PLEKHH1: variants seen among roughly 807,000 people sequenced by gnomAD.
The protein encoded by PLEKHH1 is pleckstrin homology, MyTH4 and FERM domain containing H1, also known as pleckstrin homology domain-containing family H member 1.
Under a neutral mutation model 160.0 loss-of-function variants are expected in PLEKHH1, and 104 were observed. The ratio of observed to expected loss-of-function variants is 0.65; its 90% CI spans 0.55 to 0.76. The LOEUF is 0.76. Among genes scored for constraint, PLEKHH1 ranks in the 30% least tolerant of loss-of-function variants. PLEKHH1 has a pLI of 0.00. For missense variants in PLEKHH1, 1,427 were observed against 1,724.1 expected (o/e 0.83, Z 3.05); for synonymous variants, 619 against 678.4 (o/e 0.91, Z 1.36).
At chr14:67,544,890 T>C (rs2034116028) in intron 2 of PLEKHH1, among the ~76,000 whole-genome samples, 1 of 152,220 alleles carries the variant, frequency 6.6e-6, no homozygotes, top group African/African-American at 2.4e-5. Context: ...GTCCTGTATC[T>C]ATCAAGTAAG....
Position 67,569,928 on chromosome 14 carries a change from C to G in PLEKHH1, c.1350C>G (p.Ser450Arg). ...CCTCTCTTCCCTGCTCAGCTTCAAG[C>G]CCTCCTGCCCTTGTTTCCCCTGGGT... ...PRSNTACCAS[S>R]PPALVSPGSF... Residue 450 changes from serine to arginine, a missense_variant, in exon 9 of 29, where the codon AGC (serine) becomes AGG (arginine). This residue lies in a region of PLEKHH1 where 831 missense variants were observed against 929.2 expected (regional missense o/e 0.89). Transcript: ENST00000329153. 6.2e-7 allele frequency: 1 copy of G among 1,605,006 alleles called. No individual in the cohort carries two copies. The highest frequency in any genetic ancestry group is 8.5e-7 in the Non-Finnish European group (1 of 1,173,814).
intron 2 of PLEKHH1, among the ~76,000 whole-genome samples, chr14:67,553,577 G>A (rs932679061): frequency 6.6e-6 from 1 of 152,160 alleles, no homozygotes; most frequent in Non-Finnish European, 1.5e-5. Context: ...GAATCTGGCT[G>A]GTCCAGTTAG....
rs141568097 is a variant in PLEKHH1, at chr14:67,546,996, A to G, written c.126+5003A>G. Among the ~76,000 whole-genome samples the G allele has an allele frequency of 2.9e-3, 447 of 152,280 alleles. 2 individuals carry two copies. The highest frequency in any genetic ancestry group is 9.9e-3 in the African/African-American group (412 of 41,546). ...GTGACTGGAAAGCCTTAACCACCTT[A>G]TAAACACCATACCTTCTTTCTCTAC... On this transcript the variant is annotated intron_variant, in intron 2 of 28. Transcript: ENST00000329153.
intron 1 of PLEKHH1, among the ~76,000 whole-genome samples, chr14:67,537,165 T>C (rs970044576): frequency 6.9e-6 from 1 of 144,188 alleles, no homozygotes; most frequent in African/African-American, 2.6e-5. Context: ...GGCACCATGG[T>C]GAAACCCTGT....
At chr14:67,577,518 A>G in intron 18 of PLEKHH1, 104 bp downstream of exon 18, 1 of 753,526 alleles carries the variant, frequency 1.3e-6, no homozygotes, top group South Asian at 1.6e-5. Context: ...CTGGAGAGGA[A>G]GGGAAGGAAA....
intron 2 of PLEKHH1, among the ~76,000 whole-genome samples, chr14:67,543,465 G>C (rs1295708556): frequency 6.6e-6 from 1 of 152,252 alleles, no homozygotes; most frequent in African/African-American, 2.4e-5. Flanking sequence ...ACCTTAGACA[G>C]TGATTCTCAA....
rs1325212320 is a variant in PLEKHH1 at position 67,589,359 on chromosome 14, GA to G, written c.*2128del. 21 of 984,120 alleles carry G rather than the reference GA, an allele frequency of 2.1e-5. No homozygotes were observed. The highest frequency in any genetic ancestry group is 2.5e-5 in the Non-Finnish European group (21 of 828,936). The allele number at this position is 984,120 out of a possible 1,614,324, so 61.0% of individuals were successfully genotyped here. A position where few individuals can be genotyped will look rare whatever the true frequency, so the allele number is the denominator to read the frequency against. On this transcript the variant is annotated 3_prime_UTR_variant, in exon 29 of 29. Coordinates refer to ENST00000329153, the MANE Select transcript of PLEKHH1 (RefSeq NM_020715.3). Reference sequence around the variant, plus strand: ...TTGTTAACATGAGAGTCCCATGTCTGAAAACCAAAGTCCAATTTCTGTCTGG... The same window carrying G: ...TTGTTAACATGAGAGTCCCATGTCTGAAACCAAAGTCCAATTTCTGTCTGG...
At chr14:67,585,503 A>G in intron 26 of PLEKHH1, 65 bp from the exon 27 acceptor site, 1 of 1,121,114 alleles carries the variant, frequency 8.9e-7, no homozygotes, top group Non-Finnish European at 1.3e-6. Context: ...TCTTTCTCAG[A>G]AAGTTATTAT....
rs201267832 is a variant in PLEKHH1, at chr14:67,569,173, G to A, written c.1299G>A (p.Met433Ile). 1 of 1,613,372 alleles carries A rather than the reference G, an allele frequency of 6.2e-7. No individual in the cohort carries two copies. ...TCTATGCTGTGGCCACATCGGGCAT[G>A]CGGCTCTCAGATATGTCTCCCAGAA... ...SRIYAVATSG[M>I]RLSDMSPRSN... Residue 433 changes from methionine to isoleucine, a missense_variant, in exon 8 of 29, where the codon ATG (methionine) becomes ATA (isoleucine). Around this residue, in one of 6 missense-constraint regions of PLEKHH1, gnomAD observed 831 missense variants for 929.2 expected, o/e 0.89. Coordinates refer to ENST00000329153, the MANE Select transcript of PLEKHH1 (RefSeq NM_020715.3).
At chr14:67,567,220 G>C (rs1268370534) in intron 7 of PLEKHH1, among the ~76,000 whole-genome samples, 1 of 152,104 alleles carries the variant, frequency 6.6e-6, no homozygotes, top group Admixed American at 6.6e-5. Flanking sequence ...AGGACCAATG[G>C]GGCAGTAACC....
At position 67,563,779 on chromosome 14, in the gene PLEKHH1, G is replaced by A. The variant is rs1394621418; in HGVS notation, c.1263+885G>A. 6.2e-5 allele frequency among the ~76,000 whole-genome samples: 9 copies of A among 146,328 alleles called. No individual in the cohort carries two copies. The South Asian group carries it at 2.0e-3, about 32-fold the overall frequency. On this transcript the variant is annotated intron_variant, in intron 7 of 28. Coordinates refer to ENST00000329153, the MANE Select transcript of PLEKHH1 (RefSeq NM_020715.3). ...GACAGAGTCTTGCTCTGTCACCCAG[G>A]CTGAAGTGCAGTAGCACGGTCTCGG...
At chr14:67,569,287 G>A in intron 8 of PLEKHH1, 71 bp downstream of exon 8, 1 of 1,105,500 alleles carries the variant, frequency 9.0e-7, no homozygotes, top group Non-Finnish European at 1.4e-6. Context: ...GGGAGGAGAA[G>A]ACTCCAAGCA....
chr14:67,564,399 T>G (rs1220663528), intron 7 of PLEKHH1, among the ~76,000 whole-genome samples: 1 of 152,168 alleles, frequency 6.6e-6, no homozygotes, highest in African/African-American at 2.4e-5. Flanking sequence ...GGGACACAGA[T>G]GAAGCATGAC....
chr14:67,586,184 C>T (rs1419410412), intron 28 of PLEKHH1, 87 bp downstream of exon 28: 5 of 1,428,612 alleles, frequency 3.5e-6, no homozygotes, highest in Admixed American at 3.4e-5. Flanking sequence ...TATGCTAGTG[C>T]TCTGCAAGGG....
At position 67,582,970 on chromosome 14, in the gene PLEKHH1, A is replaced by G. The variant is rs749045470; in HGVS notation, c.3426+760A>G. Among the ~76,000 whole-genome samples the G allele has an allele frequency of 1.3e-5, 2 of 152,226 alleles. No individual in the cohort carries two copies. The highest frequency in any genetic ancestry group is 2.9e-5 in the Non-Finnish European group (2 of 68,046). ...TCATAAACCATCAGACCTTCTAAGT[A>G]GACTTAGGAAGAGGAACACACATTC... On this transcript the variant is annotated intron_variant, in intron 24 of 28. Transcript: ENST00000329153. The surrounding 1 kb of genome is among the most constrained non-coding windows in gnomAD (Gnocchi z 5.0).
chr14:67,585,906 G>A, intron 27 of PLEKHH1, 45 bp from the exon 28 acceptor site: 2 of 1,577,938 alleles, frequency 1.3e-6, no homozygotes, highest in East Asian at 2.2e-5. Flanking sequence ...TAGCTCAGGG[G>A]ACAGGTGGAA....
intron 1 of PLEKHH1, among the ~76,000 whole-genome samples, chr14:67,540,379 A>G (rs1194017202): frequency 1.3e-5 from 2 of 152,154 alleles, no homozygotes; most frequent in Admixed American, 1.3e-4. Context: ...TAATCCCAGC[A>G]CTTTAAGAGA....
At chr14:67,569,523 G>A (rs1415775718) in intron 8 of PLEKHH1, among the ~76,000 whole-genome samples, 2 of 146,800 alleles carry the variant, frequency 1.4e-5, no homozygotes, top group Non-Finnish European at 3.0e-5. Flanking sequence ...GGCCGTGGGT[G>A]GGAGGAGCCA....
intron 26 of PLEKHH1, 44 bp from the exon 27 acceptor site, chr14:67,585,524 C>A: frequency 7.6e-7 from 1 of 1,311,154 alleles, no homozygotes; most frequent in South Asian, 1.3e-5. Flanking sequence ...AGTTCAAAAT[C>A]TCTAACTATG....
Sources: allele counts gnomAD v4.1 joint callset (sites outside exome capture counted in the v4.1 genomes callset), GRCh38; gene constraint gnomAD v4.1.1; regional missense constraint gnomAD v4.1.1; non-coding constraint Gnocchi (gnomAD v3.1); transcripts MANE v1.5; gene names NCBI Gene and HGNC (gene_info 2026-07-23, HGNC 2026-07-21).